Variants in ZFPM1 observed in about 807,000 individuals in gnomAD.
The protein encoded by ZFPM1 is zinc finger protein ZFPM1.
A neutral mutation model predicts 46.3 loss-of-function variants in ZFPM1; 28 were observed. The observed-to-expected ratio is 0.60, with a 90% CI of 0.45 to 0.83. The LOEUF is 0.83. Ranked by LOEUF, ZFPM1 falls within the 40% of genes least tolerant of loss-of-function variation. The pLI is 0.00. For synonymous variants in ZFPM1, 957 were observed against 675.9 expected (o/e 1.42, Z -6.45); for missense variants, 1,878 against 1,432.4 (o/e 1.31, Z -5.02).
intron 3 of ZFPM1, among the ~76,000 whole-genome samples, chr16:88,505,436 C>T (rs554033361): frequency 2.0e-4 from 31 of 152,336 alleles, no homozygotes; most frequent in Middle Eastern, 3.4e-3. Flanking sequence ...GTTCAACAGC[C>T]GGCCCTGAGG....
At chr16:88,495,760 G>GTGGCCAGGAGCCC (rs1909896389) in intron 3 of ZFPM1, among the ~76,000 whole-genome samples, 1 of 152,206 alleles carries the variant, frequency 6.6e-6, no homozygotes, top group Non-Finnish European at 1.5e-5. Context: ...TGGAAGGTGA[G>GTGGCCAGGAGCCC]TGGCCAGGAG....
At chr16:88,517,479 GATGGA>G (rs1911411948) in intron 4 of ZFPM1, among the ~76,000 whole-genome samples, 1 of 79,526 alleles carries the variant, frequency 1.3e-5, no homozygotes, top group Non-Finnish European at 2.5e-5. Flanking sequence ...TGGCTGGGTG[GATGGA>G]TGGATGGATG....
Position 88,521,320 on chromosome 16 carries a change from A to G in ZFPM1, c.403-5494A>G, listed in dbSNP as rs374433637. On this transcript the variant is annotated intron_variant, in intron 4 of 9. Transcript: ENST00000319555. ...TCCCCAAGCCCAGCCTTCCCCTCCT[A>G]TGAGATCAGGTTCTGCCATGGTGAT... Among the ~76,000 whole-genome samples, 114 of 150,228 alleles carry G rather than the reference A, an allele frequency of 7.6e-4. No homozygotes were observed. In the Middle Eastern group the frequency reaches 0.011, roughly 14 times the overall value.
upstream of ZFPM1, among the ~76,000 whole-genome samples, chr16:88,453,068 A>C (rs1295689391): frequency 6.7e-6 from 1 of 148,178 alleles, no homozygotes; most frequent in Non-Finnish European, 1.5e-5. Flanking sequence ...AGCGCCGTAA[A>C]GAGCGAGGCG....
At chr16:88,466,299 A>T (rs1395220249) in intron 1 of ZFPM1, among the ~76,000 whole-genome samples, 2 of 152,336 alleles carry the variant, frequency 1.3e-5, no homozygotes, top group African/African-American at 4.8e-5. Flanking sequence ...AGTACTCTGC[A>T]GCCCTGGGAG....
chr16:88,532,204 C>T lies in ZFPM1; in HGVS notation c.915C>T (p.Ser305=). 1 of 1,608,976 alleles carries T rather than the reference C, an allele frequency of 6.2e-7. No homozygotes were observed. Among genetic ancestry groups the T allele is most frequent in the South Asian group, 1.1e-5 (1 of 90,904 alleles). The change falls in exon 7 of 10, where the codon AGC becomes AGT. Residue 305 remains serine, a synonymous_variant. Coordinates refer to ENST00000319555, the MANE Select transcript of ZFPM1 (RefSeq NM_153813.3). ...PQCRKSCPSA[S]SLEIHMRSHS... is the part of the protein sequence containing the mutation. Reference sequence around the variant, plus strand: ...GCCGCAAGAGCTGCCCCAGCGCCAGCTCCCTGGAGATCCACATGCGCAGCC... The same window carrying T: ...GCCGCAAGAGCTGCCCCAGCGCCAGTTCCCTGGAGATCCACATGCGCAGCC...
chr16:88,515,736 G>A (rs1362592658), intron 4 of ZFPM1, among the ~76,000 whole-genome samples: 2 of 152,244 alleles, frequency 1.3e-5, no homozygotes, highest in African/African-American at 2.4e-5. Flanking sequence ...GTGGTGGTCA[G>A]TTTTCTCCAT....
At chr16:88,463,802 G>A (rs1327072053) in intron 1 of ZFPM1, among the ~76,000 whole-genome samples, 1 of 152,242 alleles carries the variant, frequency 6.6e-6, no homozygotes, top group African/African-American at 2.4e-5. Context: ...AGGCCTTCCT[G>A]TGTCTCTAGG....
At chr16:88,490,322 G>A (rs147230270) in intron 3 of ZFPM1, among the ~76,000 whole-genome samples, 6,599 of 152,292 alleles carry the variant, frequency 0.043, 222 homozygotes, top group African/African-American at 0.086. Context: ...AAAGTGCTGG[G>A]ATTACAGGCG....
At chr16:88,484,702 TG>T in intron 1 of ZFPM1, among the ~76,000 whole-genome samples, 1 of 152,018 alleles carries the variant, frequency 6.6e-6, no homozygotes, top group Middle Eastern at 3.4e-3. Flanking sequence ...CCTGGGGACC[TG>T]GGGAGCAGTC....
At chr16:88,516,601 C>T (rs1485304027) in intron 4 of ZFPM1, 10 of 398,558 alleles carry the variant, frequency 2.5e-5, no homozygotes, top group East Asian at 3.6e-5. Context: ...CCAGACACAC[C>T]GTACAAGATG....
chr16:88,533,495 C>G lies in ZFPM1; in HGVS notation c.1537C>G (p.Pro513Ala). The G allele has an allele frequency of 7.1e-7, 1 of 1,402,394 alleles. No individual in the cohort carries two copies. The highest frequency in any genetic ancestry group is 9.2e-7 in the Non-Finnish European group (1 of 1,083,964). 86.9% of individuals were successfully genotyped at this position (1,402,394 alleles called of 1,614,324 possible). The change falls in exon 10 of 10, where the codon CCG becomes GCG. Residue 513 changes from proline (P) to alanine (A), a missense_variant. Physicochemically the swap from Pro to Ala is conservative, Grantham distance 27 (BLOSUM62 -1). Transcript: ENST00000319555. ...ELSSPTPGSSPVPGELGLAGA... is the reference protein window; with the variant it reads ...ELSSPTPGSSAVPGELGLAGA... The stretch of plus-strand genomic sequence containing the variant: ...GTCCAGCCCCACGCCGGGCTCCAGC[C>G]CGGTGCCCGGCGAGCTGGGCCTGGC...
intron 4 of ZFPM1, among the ~76,000 whole-genome samples, chr16:88,519,143 T>G (rs1911604830): frequency 9.1e-6 from 1 of 109,736 alleles, no homozygotes; most frequent in Non-Finnish European, 1.8e-5. Flanking sequence ...GATGGATGGA[T>G]GGATGGATGA....
intron 1 of ZFPM1, chr16:88,468,862 C>G (rs995083635): frequency 6.6e-6 from 1 of 152,430 alleles, no homozygotes; most frequent in Non-Finnish European, 1.5e-5. Context: ...AGTTCCCATC[C>G]TGGACCCTGC....
At chr16:88,531,885 T>C in intron 6 of ZFPM1, 117 bp from the exon 7 acceptor site, 2 of 989,624 alleles carry the variant, frequency 2.0e-6, no homozygotes, top group Non-Finnish European at 3.0e-6. Flanking sequence ...AAGCCTCAGC[T>C]CCTGGGGTGG....
intron 1 of ZFPM1, 145 bp downstream of exon 1, chr16:88,453,823 G>A: frequency 2.2e-6 from 1 of 448,728 alleles, no homozygotes; most frequent in Non-Finnish European, 3.0e-6. Context: ...TGTGCCAAGC[G>A]CGCCGTAATC....
intron 1 of ZFPM1, among the ~76,000 whole-genome samples, chr16:88,459,511 C>G (rs1907707259): frequency 6.6e-6 from 1 of 151,654 alleles, no homozygotes; most frequent in Non-Finnish European, 1.5e-5. Context: ...GCTACTAACC[C>G]TCTCCCCCTC....
chr16:88,526,702 C>A, intron 4 of ZFPM1, 112 bp from the exon 5 acceptor site: 2 of 1,196,912 alleles, frequency 1.7e-6, no homozygotes, highest in Non-Finnish European at 1.2e-6. Context: ...GCTTGGCCTA[C>A]CAGCCAAGCC....
intron 1 of ZFPM1, among the ~76,000 whole-genome samples, chr16:88,477,907 C>T (rs1908756691): frequency 6.6e-6 from 1 of 151,300 alleles, no homozygotes; most frequent in Non-Finnish European, 1.5e-5. Context: ...GTGTTGGGCT[C>T]TGAGGCTGCT....
Sources: gnomAD v4.1 joint callset for allele counts (sites outside exome capture counted in the v4.1 genomes callset) on GRCh38, gnomAD v4.1.1 for gene constraint, MANE v1.5 for transcripts, NCBI Gene and HGNC (gene_info 2026-07-23, HGNC 2026-07-21) for gene names.